Variants in TRPM3 observed in about 807,000 individuals in gnomAD.
The protein encoded by TRPM3 is transient receptor potential cation channel subfamily M member 3.
TRPM3 carries 77 observed loss-of-function variants against 181.2 expected under a neutral mutation model. That is an observed-to-expected ratio of 0.42 (90% CI 0.35 to 0.51). The LOEUF is 0.51. Ranked by LOEUF, TRPM3 falls within the 20% of genes least tolerant of loss-of-function variation. The probability of loss-of-function intolerance (pLI) is 0.01; values close to 1 mark genes in which losing one functional copy is unlikely to be tolerated. For synonymous variants in TRPM3, 745 were observed against 796.4 expected (o/e 0.94, Z 1.09); for missense variants, 1,759 against 2,196.7 (o/e 0.80, Z 3.98).
chr9:71,177,408 G>T (rs1484968617), intron 1 of TRPM3, among the ~76,000 whole-genome samples: 1 of 151,948 alleles, frequency 6.6e-6, no homozygotes, highest in East Asian at 1.9e-4. Context: ...CCCATCCCTG[G>T]TACCAAAAAG....
At chr9:71,124,677 C>T (rs1808650866), upstream of TRPM3, among the ~76,000 whole-genome samples, 1 of 152,158 alleles carries the variant, frequency 6.6e-6, no homozygotes, top group South Asian at 2.1e-4. Context: ...CATTGTATAG[C>T]CCTTCTGAAT....
At chr9:70,885,547 A>G (rs555937829) in intron 1 of TRPM3, among the ~76,000 whole-genome samples, 4 of 152,158 alleles carry the variant, frequency 2.6e-5, no homozygotes, top group Admixed American at 2.0e-4. Flanking sequence ...CTTCTCAATA[A>G]CCCTCACTTT....
chr9:70,875,644 C>T (rs769588437), intron 1 of TRPM3, among the ~76,000 whole-genome samples: 1 of 151,876 alleles, frequency 6.6e-6, no homozygotes, highest in Non-Finnish European at 1.5e-5. Context: ...AAGAGTAGAA[C>T]TTGGTATTCT....
At chr9:71,351,813 A>C (rs984339342) in intron 1 of TRPM3, among the ~76,000 whole-genome samples, 9 of 151,672 alleles carry the variant, frequency 5.9e-5, no homozygotes, top group Admixed American at 2.6e-4. Flanking sequence ...ATGGGAGGAG[A>C]GGCAATAAGA....
intron 1 of TRPM3, among the ~76,000 whole-genome samples, chr9:71,253,642 A>G (rs1271868969): frequency 1.3e-5 from 2 of 152,154 alleles, no homozygotes; most frequent in Non-Finnish European, 2.9e-5. Flanking sequence ...AATAGTATAG[A>G]GGTTCCTCAA....
chr9:70,803,742 G>A (rs1250208105), intron 6 of TRPM3, among the ~76,000 whole-genome samples: 3 of 151,520 alleles, frequency 2.0e-5, no homozygotes, highest in South Asian at 2.1e-4. Context: ...GAGCCACCAC[G>A]CCCGGCCGAG....
At chr9:71,020,493 AT>A (rs1245667735) in intron 1 of TRPM3, among the ~76,000 whole-genome samples, 1 of 151,838 alleles carries the variant, frequency 6.6e-6, no homozygotes, top group African/African-American at 2.4e-5. Flanking sequence ...AAAAAAAAAA[AT>A]TCTGCTCACC....
intron 9 of TRPM3, among the ~76,000 whole-genome samples, chr9:70,645,420 C>G (rs1589729519): frequency 6.6e-6 from 1 of 152,164 alleles, no homozygotes; most frequent in East Asian, 1.9e-4. Flanking sequence ...CTACAACCAT[C>G]TGATCTTTGA....
At chr9:70,557,798 A>G (rs1204331264) in intron 22 of TRPM3, among the ~76,000 whole-genome samples, 2 of 152,164 alleles carry the variant, frequency 1.3e-5, no homozygotes, top group African/African-American at 4.8e-5. Context: ...AGGCAAATGC[A>G]TGGTCAGTAC....
intron 1 of TRPM3, among the ~76,000 whole-genome samples, chr9:71,355,542 A>G (rs752445270): frequency 1.3e-5 from 2 of 152,198 alleles, no homozygotes; most frequent in Non-Finnish European, 2.9e-5. Flanking sequence ...GATCTGTGAG[A>G]AAATAAGTTT....
At chr9:71,156,790 GC>G (rs112212133) in intron 1 of TRPM3, among the ~76,000 whole-genome samples, 14,505 of 151,964 alleles carry the variant, frequency 0.095, 811 homozygotes, top group African/African-American at 0.15. Context: ...TTGAAAATTT[GC>G]AAAGTCTAAT....
At chr9:71,144,559 G>A (rs1165346800) in intron 1 of TRPM3, among the ~76,000 whole-genome samples, 1 of 152,100 alleles carries the variant, frequency 6.6e-6, no homozygotes, top group Non-Finnish European at 1.5e-5. Flanking sequence ...CCTCATATGG[G>A]TCAATTACAT....
chr9:70,625,797 A>T lies in TRPM3; in HGVS notation c.1633-280T>A, dbSNP rs1384155070. On this transcript the variant is annotated intron_variant, in intron 12 of 25. Transcript: ENST00000677713. This position sits in a 1 kb window ranked among gnomAD's most constrained non-coding sequence, Gnocchi z 4.8. Reference sequence around the variant, plus strand: ...CACCCTTTAAAGGAAGACTCCTTTCAGAAGATGAGTGTCATTACCAGAGCC... The same window carrying T: ...CACCCTTTAAAGGAAGACTCCTTTCTGAAGATGAGTGTCATTACCAGAGCC... Among the ~76,000 whole-genome samples the T allele has an allele frequency of 5.3e-5, 8 of 152,232 alleles. No homozygotes were observed. The highest frequency in any genetic ancestry group is 1.7e-4 in the African/African-American group (7 of 41,464).
At chr9:70,618,344 G>C (rs936738344) in intron 17 of TRPM3, among the ~76,000 whole-genome samples, 3 of 152,226 alleles carry the variant, frequency 2.0e-5, no homozygotes, top group Non-Finnish European at 4.4e-5. Flanking sequence ...AGTGGTCTGT[G>C]ACTTGTTTTT....
chr9:70,832,804 A>C (rs770137326), intron 5 of TRPM3, among the ~76,000 whole-genome samples: 21 of 152,224 alleles, frequency 1.4e-4, no homozygotes, highest in Non-Finnish European at 2.8e-4. Context: ...AGTAGTAAAC[A>C]GGAAGTCAGG....
chr9:71,178,811 A>T (rs186327359), intron 1 of TRPM3, among the ~76,000 whole-genome samples: 11 of 152,228 alleles, frequency 7.2e-5, no homozygotes, highest in Middle Eastern at 3.4e-3. Context: ...TTTCAAAGTC[A>T]TGAGCTCGCT....
intron 1 of TRPM3, among the ~76,000 whole-genome samples, chr9:71,293,877 T>C (rs995774015): frequency 7.2e-5 from 11 of 151,960 alleles, no homozygotes; most frequent in African/African-American, 1.2e-4. Context: ...CACAGACTCA[T>C]GCATACGTAG....
chr9:70,579,556 C>T (rs2055068874), intron 22 of TRPM3: 1 of 152,188 alleles, frequency 6.6e-6, no homozygotes, highest in Admixed American at 6.5e-5. Flanking sequence ...CTCTTCCTTT[C>T]TCTCCTCTGT....
chr9:70,638,329 G>C (rs955315962), intron 11 of TRPM3, among the ~76,000 whole-genome samples: 1 of 152,096 alleles, frequency 6.6e-6, no homozygotes, highest in Non-Finnish European at 1.5e-5. Context: ...TGAGTCTAAG[G>C]CATCTTATTA....
Sources: allele counts gnomAD v4.1 joint callset (sites outside exome capture counted in the v4.1 genomes callset), GRCh38; gene constraint gnomAD v4.1.1; non-coding constraint Gnocchi (gnomAD v3.1); transcripts MANE v1.5; gene names NCBI Gene and HGNC (gene_info 2026-07-23, HGNC 2026-07-21).